The following TTC17 variants were observed in gnomAD, a reference collection of about 807,000 sequenced individuals.
TTC17 encodes tetratricopeptide repeat protein 17.
In TTC17, 58 loss-of-function variants were observed where a neutral mutation model predicts 143.8. The observed-to-expected ratio is 0.40, with a 90% confidence interval of 0.33 to 0.50. The LOEUF is 0.50. Among genes scored for constraint, TTC17 ranks in the 20% least tolerant of loss-of-function variants. The pLI is 0.49. For missense variants in TTC17, 1,273 were observed against 1,392.5 expected (o/e 0.91, Z 1.37); for synonymous variants, 501 against 497.8 (o/e 1.01, Z -0.09).
chr11:43,494,548 G>T lies in TTC17; in HGVS notation c.*644G>T, dbSNP rs1948526677. On this transcript the variant is annotated 3_prime_UTR_variant, in exon 24 of 24. Coordinates refer to ENST00000039989, the MANE Select transcript of TTC17 (RefSeq NM_018259.6). ...TAATGTTATTTATGTTGGGGAGGGA[G>T]GGGGGCTGAGAAGGGGAAATCAGCA... The T allele has an allele frequency of 6.6e-6, 1 of 152,108 alleles. No homozygotes were observed. The highest frequency in any genetic ancestry group is 1.5e-5 in the Non-Finnish European group (1 of 68,030). The allele number at this position is 152,108 out of a possible 1,614,324, so 9.4% of individuals were successfully genotyped here.
chr11:43,452,365 T>A (rs1241322199), intron 21 of TTC17, among the ~76,000 whole-genome samples: 1 of 152,050 alleles, frequency 6.6e-6, no homozygotes, highest in Non-Finnish European at 1.5e-5. Context: ...CCGGGTGCGG[T>A]GGCACGCACC....
At chr11:43,392,745 TAAG>T (rs1281753968) in intron 5 of TTC17, among the ~76,000 whole-genome samples, 1 of 152,206 alleles carries the variant, frequency 6.6e-6, no homozygotes, top group African/African-American at 2.4e-5. Context: ...TGATGAGTAA[TAAG>T]AGAAAACTGG....
At chr11:43,396,972 AAT>A in intron 6 of TTC17, 154 bp downstream of exon 6, 1 of 484,114 alleles carries the variant, frequency 2.1e-6, no homozygotes, top group East Asian at 3.1e-5. Context: ...AAAAAAAAAA[AAT>A]CACAGATCTC....
chr11:43,420,951 C>T (rs1946888880), intron 16 of TTC17, among the ~76,000 whole-genome samples: 1 of 152,006 alleles, frequency 6.6e-6, no homozygotes, highest in South Asian at 2.1e-4. Flanking sequence ...TTTCTTTCAA[C>T]CAAAGAAAAC....
intron 1 of TTC17, among the ~76,000 whole-genome samples, chr11:43,364,047 CTTTTTTTTTTTTTTTT>C (rs71308379): frequency 1.1e-5 from 1 of 94,458 alleles, no homozygotes; most frequent in Non-Finnish European, 2.1e-5. Flanking sequence ...TACAGATCCT[CTTTTTTTTTTTTTTTT>C]TTTTTTTTTT....
At position 43,379,325 on chromosome 11, in the gene TTC17, G is replaced by A. The variant is rs1422360324; in HGVS notation, c.249+3G>A. 2 of 1,609,850 alleles carry A rather than the reference G, an allele frequency of 1.2e-6. No individual in the cohort carries two copies. The highest frequency in any genetic ancestry group is 1.7e-6 in the Non-Finnish European group (2 of 1,177,952). On this transcript the variant is annotated splice_donor_region_variant and intron_variant, in intron 2 of 23. Transcript: ENST00000039989. ...TTAACTACCTCAAAGAATTAGAGGT[G>A]AGGCAACTGGGCATGTGAGATGCAG... is the stretch of plus-strand genomic sequence containing the variant.
intron 6 of TTC17, 113 bp downstream of exon 6, chr11:43,396,931 C>T: frequency 3.9e-6 from 2 of 516,390 alleles, no homozygotes; most frequent in South Asian, 5.9e-5. Context: ...TTTCTCCATC[C>T]CTGTTCAAAG....
At chr11:43,360,758 T>A (rs1264133943) in intron 1 of TTC17, among the ~76,000 whole-genome samples, 2 of 151,816 alleles carry the variant, frequency 1.3e-5, no homozygotes, top group African/African-American at 4.8e-5. Context: ...TTTGGATACA[T>A]ATGTATTAAT....
chr11:43,383,960 A>G (rs1252657018), intron 2 of TTC17, among the ~76,000 whole-genome samples: 1 of 152,026 alleles, frequency 6.6e-6, no homozygotes, highest in East Asian at 1.9e-4. Context: ...TGAGACCAGG[A>G]GTTTAAGACC....
intron 13 of TTC17, among the ~76,000 whole-genome samples, chr11:43,406,487 T>TA (rs1466199778): frequency 6.6e-6 from 1 of 152,048 alleles, no homozygotes; most frequent in Non-Finnish European, 1.5e-5. Flanking sequence ...TACTGTATAT[T>TA]ACCATATTAG....
Position 43,359,049 on chromosome 11 carries a change from C to T in TTC17, c.95C>T (p.Ala32Val), listed in dbSNP as rs1318337360. ...LLSLSALLSV[A>V]ARGAFATTHW... ...AGCCTTTCCGCCTTGCTGAGTGTGGCGGCACGAGGGGCCTTCGCCACCACG... is the reference window on the plus strand; with the variant it reads ...AGCCTTTCCGCCTTGCTGAGTGTGGTGGCACGAGGGGCCTTCGCCACCACG... The change falls in exon 1 of 24, where the codon GCG becomes GTG. Residue 32 changes from alanine (A) to valine (V), a missense_variant. This residue lies in a region of TTC17 where 70 missense variants were observed against 48.5 expected (regional missense o/e 1.44). Transcript: ENST00000039989. 3 of 1,590,852 alleles carry T rather than the reference C, an allele frequency of 1.9e-6. No homozygotes were observed. The highest frequency in any genetic ancestry group is 2.6e-6 in the Non-Finnish European group (3 of 1,170,124).
chr11:43,475,661 A>G (rs1271655533), intron 21 of TTC17, among the ~76,000 whole-genome samples: 2 of 152,156 alleles, frequency 1.3e-5, no homozygotes, highest in Non-Finnish European at 2.9e-5. Context: ...GAATATTTGC[A>G]TTATTCTGCT....
Position 43,443,403 on chromosome 11 carries a change from C to T in TTC17, c.2330C>T (p.Ala777Val). The change falls in exon 17 of 24, where the codon GCT becomes GTT. Residue 777 changes from alanine to valine, a missense_variant. By Grantham distance (64) the Ala-to-Val change is moderately conservative. Transcript: ENST00000039989. ...ACCAAAATGTCAGAAGAAATACTGG[C>T]TTTGGTGGATGAATTTCAACAGGCA... ...DETKMSEEIL[A>V]LVDEFQQAWP... The T allele has an allele frequency of 6.2e-7, 1 of 1,614,034 alleles. No homozygotes were observed. Among genetic ancestry groups the T allele is most frequent in the Non-Finnish European group, 8.5e-7 (1 of 1,179,998 alleles).
intron 21 of TTC17, among the ~76,000 whole-genome samples, chr11:43,462,082 G>C (rs140595742): frequency 7.1e-6 from 1 of 141,432 alleles, no homozygotes; most frequent in Non-Finnish European, 1.5e-5. Context: ...TTAAATGTAG[G>C]CTAGATTAAA....
chr11:43,396,944 A>C, intron 6 of TTC17, 126 bp downstream of exon 6: 2 of 493,976 alleles, frequency 4.0e-6, no homozygotes, highest in Non-Finnish European at 6.8e-6. Flanking sequence ...GTTCAAAGAA[A>C]TAAGTCCCAC....
chr11:43,424,967 C>T (rs1348194981), intron 16 of TTC17, among the ~76,000 whole-genome samples: 1 of 152,096 alleles, frequency 6.6e-6, no homozygotes, highest in African/African-American at 2.4e-5. Context: ...TTTCATTCTC[C>T]TTACAGGAAC....
chr11:43,437,585 T>G (rs962081269), intron 16 of TTC17, among the ~76,000 whole-genome samples: 3 of 152,202 alleles, frequency 2.0e-5, no homozygotes, highest in Non-Finnish European at 4.4e-5. Flanking sequence ...CCTCATTTAT[T>G]TAAAAACAAA....
At chr11:43,364,194 C>T (rs11037423) in intron 1 of TTC17, among the ~76,000 whole-genome samples, 1 of 151,706 alleles carries the variant, frequency 6.6e-6, no homozygotes. Flanking sequence ...ATAGCTGGGA[C>T]TACAGGTGTG....
chr11:43,425,953 C>G (rs1947017992), intron 16 of TTC17, among the ~76,000 whole-genome samples: 1 of 152,180 alleles, frequency 6.6e-6, no homozygotes, highest in Admixed American at 6.6e-5. Flanking sequence ...ACCTCTTTAG[C>G]TGTCAGGCTT....
Sources: gnomAD v4.1 joint callset for allele counts (sites outside exome capture counted in the v4.1 genomes callset) on GRCh38, gnomAD v4.1.1 for gene constraint, gnomAD v4.1.1 regional missense constraint, MANE v1.5 for transcripts, NCBI Gene and HGNC (gene_info 2026-07-23, HGNC 2026-07-21) for gene names.